ERFE: variants seen among roughly 807,000 people sequenced by gnomAD.
The protein encoded by ERFE is complement C1q tumor necrosis factor-related protein 15.
Under a neutral mutation model 26.6 loss-of-function variants are expected in ERFE, and 25 were observed. That is an observed-to-expected ratio of 0.94 (90% CI 0.69 to 1.31). The LOEUF is 1.31. Ranked by LOEUF, ERFE falls within the 40% of genes most tolerant of loss-of-function variation. The probability of loss-of-function intolerance (pLI) is 0.00; values close to 1 mark genes in which losing one functional copy is unlikely to be tolerated. For synonymous variants in ERFE, 206 were observed against 204.5 expected (o/e 1.01, Z -0.06); for missense variants, 447 against 440.2 (o/e 1.02, Z -0.14).
At position 238,167,779 on chromosome 2, in the gene ERFE, T is replaced by G. The variant is rs559452057; in HGVS notation, c.*725T>G. ...TCAGAAGGCCTTTCCAAATGGGAGC[T>G]CCACTCTTCCCCTCCTCTGCAAATC... On this transcript the variant is annotated 3_prime_UTR_variant, in exon 8 of 8. Transcript: ENST00000546354. The G allele has an allele frequency of 1.1e-4, 30 of 273,886 alleles. 1 individual carries two copies. The highest frequency in any genetic ancestry group is 1.1e-3 in the South Asian group (28 of 26,058). 17.0% of individuals were successfully genotyped at this position (273,886 alleles called of 1,614,324 possible).
chr2:238,161,561 G>GC (rs934536718), intron 1 of ERFE, 33 bp from the exon 2 acceptor site: 74 of 1,503,476 alleles, frequency 4.9e-5, no homozygotes, highest in Non-Finnish European at 6.6e-5. Context: ...GCCCAGTGAG[G>GC]CCAACCGCCC....
chr2:238,167,831 C>T lies in ERFE; in HGVS notation c.*777C>T, dbSNP rs1693069963. ...TCACAGCCAAGGCCCCTTCCACCCT[C>T]TCCAGAGGTGGATGAGATCCCTTTT... On this transcript the variant is annotated 3_prime_UTR_variant, in exon 8 of 8. Coordinates refer to ENST00000546354, the MANE Select transcript of ERFE (RefSeq NM_001291832.2). 1 of 238,304 alleles carries T rather than the reference C, an allele frequency of 4.2e-6. No individual in the cohort carries two copies. 14.8% of individuals were successfully genotyped at this position (238,304 alleles called of 1,614,324 possible). A position where few individuals can be genotyped will look rare whatever the true frequency, so the allele number is the denominator to read the frequency against.
In ERFE at chr2:238,167,191, C is replaced by G. The variant is rs1693053444; in HGVS notation, c.*137C>G. Reference sequence around the variant, plus strand: ...TCTGCCCACACTGGCCACTGCAGTTCAGCCCACAGAGCCACTGCAGGCAGG... The same window carrying G: ...TCTGCCCACACTGGCCACTGCAGTTGAGCCCACAGAGCCACTGCAGGCAGG... On this transcript the variant is annotated 3_prime_UTR_variant, in exon 8 of 8. Coordinates refer to ENST00000546354, the MANE Select transcript of ERFE (RefSeq NM_001291832.2). 1.1e-6 allele frequency: 1 copy of G among 920,112 alleles called. No homozygotes were observed. The highest frequency in any genetic ancestry group is 2.0e-5 in the Admixed American group (1 of 50,244). 57.0% of individuals were successfully genotyped at this position (920,112 alleles called of 1,614,324 possible).
At chr2:238,164,503 C>G (rs990642776) in intron 6 of ERFE, 143 bp downstream of exon 6, 2 of 744,106 alleles carry the variant, frequency 2.7e-6, no homozygotes, top group Non-Finnish European at 4.4e-6. Flanking sequence ...TTCCAGGTCT[C>G]CCGGTCTACT....
chr2:238,161,856 C>T (rs1465184246), intron 2 of ERFE, 140 bp downstream of exon 2: 31 of 1,240,074 alleles, frequency 2.5e-5, no homozygotes, highest in Non-Finnish European at 3.2e-5. Flanking sequence ...CAGAGAGAAC[C>T]CAGGCAGCCC....
rs566703949 is a variant in ERFE at position 238,164,141 on chromosome 2, C to A, written c.754C>A (p.Pro252Thr). The stretch of plus-strand genomic sequence containing the variant: ...CTTGACCAGCGGCCAGTACAGGGCG[C>A]CCGTGGCTGGCTTCTACGCTCTCGC... ...LNLTSGQYRA[P>T]VAGFYALAAT... Residue 252 changes from proline to threonine, a missense_variant, in exon 5 of 8, where the codon CCC becomes ACC. Coordinates refer to ENST00000546354, the MANE Select transcript of ERFE (RefSeq NM_001291832.2). 6.8e-7 allele frequency: 1 copy of A among 1,462,154 alleles called. No homozygotes were observed. Among genetic ancestry groups the A allele is most frequent in the Admixed American group, 2.5e-5 (1 of 40,382 alleles). 90.6% of individuals were successfully genotyped at this position (1,462,154 alleles called of 1,614,324 possible). A position where few individuals can be genotyped will look rare whatever the true frequency, so the allele number is the denominator to read the frequency against.
At position 238,161,724 on chromosome 2, in the gene ERFE, C is replaced by A; in HGVS notation, c.321+8C>A. The A allele has an allele frequency of 6.5e-7, 1 of 1,539,300 alleles. No individual in the cohort carries two copies. Among genetic ancestry groups the A allele is most frequent in the Non-Finnish European group, 8.8e-7 (1 of 1,138,100 alleles). On this transcript the variant is annotated splice_region_variant and intron_variant, in intron 2 of 7. Coordinates refer to ENST00000546354, the MANE Select transcript of ERFE (RefSeq NM_001291832.2). The stretch of plus-strand genomic sequence containing the variant: ...AAGGCCAAGAAGCTGAAGGTGAGGC[C>A]GGCATCCCGTCAGTGCCAGGCCGTG...
rs1358813392 is a variant in ERFE, at chr2:238,163,719, C to T, written c.425-18C>T. ...GTGAGGGGTCCCTGGCGCGCGGCCACCGCTCGCTCTGTGCCAGGTGCGGTG... is the reference window on the plus strand; with the variant it reads ...GTGAGGGGTCCCTGGCGCGCGGCCATCGCTCGCTCTGTGCCAGGTGCGGTG... On this transcript the variant is annotated intron_variant, in intron 3 of 7. Coordinates refer to ENST00000546354, the MANE Select transcript of ERFE (RefSeq NM_001291832.2). 7.8e-7 allele frequency: 1 copy of T among 1,289,818 alleles called. No individual in the cohort carries two copies. Among genetic ancestry groups the T allele is most frequent in the South Asian group, 2.5e-5 (1 of 40,562 alleles). 79.9% of individuals were successfully genotyped at this position (1,289,818 alleles called of 1,614,324 possible). A position where few individuals can be genotyped will look rare whatever the true frequency, so the allele number is the denominator to read the frequency against.
chr2:238,164,323 C>T lies in ERFE; in HGVS notation c.850C>T (p.Leu284=), dbSNP rs1427501846. 2.6e-6 allele frequency: 4 copies of T among 1,535,252 alleles called. No homozygotes were observed. Among genetic ancestry groups the T allele is most frequent in the Non-Finnish European group, 2.6e-6 (3 of 1,143,582 alleles). The change falls in exon 6 of 8, where the codon CTG becomes TTG. Residue 284 remains leucine (L), a synonymous_variant. Coordinates refer to ENST00000546354, the MANE Select transcript of ERFE (RefSeq NM_001291832.2). ...GPPRPRDHLR[L]LICIQSRCQR... ...GCCGCGCCCCCGGGACCACCTGCGC[C>T]TGCTCATCTGCATCCAGTCCCGGTG...
intron 2 of ERFE, among the ~76,000 whole-genome samples, 169 bp from the exon 3 acceptor site, chr2:238,162,567 C>G (rs1195498153): frequency 6.6e-6 from 1 of 152,274 alleles, no homozygotes; most frequent in Non-Finnish European, 1.5e-5. Flanking sequence ...CCAGCACAGT[C>G]CTTGTACTCA....
intron 6 of ERFE, chr2:238,164,655 C>T (rs1374262830): frequency 9.7e-6 from 4 of 410,448 alleles, no homozygotes; most frequent in Non-Finnish European, 1.8e-5. Context: ...GAGATCGAGA[C>T]CATCCTGGCT....
intron 2 of ERFE, among the ~76,000 whole-genome samples, chr2:238,162,242 G>C (rs1319474017): frequency 2.0e-5 from 3 of 152,232 alleles, no homozygotes; most frequent in Middle Eastern, 3.2e-3. Flanking sequence ...AGCTCGGAGT[G>C]CATGAGGCAG....
In ERFE at chr2:238,162,736, T is replaced by C. The variant is rs1385720154; in HGVS notation, c.322T>C (p.Phe108Leu). The C allele has an allele frequency of 1.7e-5, 27 of 1,542,996 alleles. No homozygotes were observed. The highest frequency in any genetic ancestry group is 7.0e-6 in the Non-Finnish European group (8 of 1,140,186). ...RSRGKAKKLKFGLPGPPGPPG... is the reference protein window; with the variant it reads ...RSRGKAKKLKLGLPGPPGPPG... ...CCTCACTGCCAAGGTTCCCTTTCAG[T>C]TCGGCTTGCCAGGGCCCCCTGGGCC... The change falls in exon 3 of 8, where the codon TTC (phenylalanine) becomes CTC (leucine). Residue 108 changes from phenylalanine (F) to leucine (L), a missense_variant and splice_region_variant. Physicochemically the swap from Phe to Leu is conservative, Grantham distance 22. Coordinates refer to ENST00000546354, the MANE Select transcript of ERFE (RefSeq NM_001291832.2).
At position 238,167,401 on chromosome 2, in the gene ERFE, G is replaced by A; in HGVS notation, c.*347G>A. ...CAGATGGCCTCTGCGTCTTTCCTGT[G>A]CCCAGCCCCACCTTTTCCACCTCTC... On this transcript the variant is annotated 3_prime_UTR_variant, in exon 8 of 8. Transcript: ENST00000546354. 1.8e-6 allele frequency: 1 copy of A among 563,248 alleles called. No homozygotes were observed. The highest frequency in any genetic ancestry group is 3.4e-6 in the Non-Finnish European group (1 of 296,354). The allele number at this position is 563,248 out of a possible 1,614,324, so 34.9% of individuals were successfully genotyped here.
intron 2 of ERFE, 96 bp downstream of exon 2, chr2:238,161,812 C>A: frequency 7.2e-7 from 1 of 1,398,320 alleles, no homozygotes; most frequent in Non-Finnish European, 9.5e-7. Context: ...TTTCCAATAG[C>A]ACACCCCTCA....
At chr2:238,164,545 A>G (rs565765115) in intron 6 of ERFE, 185 bp downstream of exon 6, 6 of 592,436 alleles carry the variant, frequency 1.0e-5, no homozygotes, top group African/African-American at 9.9e-5. Context: ...CTTCACAGCA[A>G]CTGGGAGCTG....
rs1279165019 is a variant in ERFE at position 238,158,988 on chromosome 2, G to A, written c.-20G>A. ...CGTCCGAGACGCCGCGCTCGGAGCC[G>A]CGAGGGAACCGCCGCCCGCATGGCC... On this transcript the variant is annotated 5_prime_UTR_variant, in exon 1 of 8. Coordinates refer to ENST00000546354, the MANE Select transcript of ERFE (RefSeq NM_001291832.2). 2 of 251,274 alleles carry A rather than the reference G, an allele frequency of 8.0e-6. No homozygotes were observed. Among genetic ancestry groups the A allele is most frequent in the South Asian group, 1.5e-4 (1 of 6,582 alleles). The allele number at this position is 251,274 out of a possible 1,614,324, so 15.6% of individuals were successfully genotyped here.
Position 238,164,126 on chromosome 2 carries a change from G to A in ERFE, c.739G>A (p.Gly247Ser), listed in dbSNP as rs943719167. 3 of 1,459,960 alleles carry A rather than the reference G, an allele frequency of 2.1e-6. No homozygotes were observed. Among genetic ancestry groups the A allele is most frequent in the African/African-American group, 3.0e-5 (2 of 67,446 alleles). The allele number at this position is 1,459,960 out of a possible 1,614,324, so 90.4% of individuals were successfully genotyped here. Residue 247 changes from glycine (G) to serine (S), a missense_variant, in exon 5 of 8, where the codon GGC (glycine) becomes AGC (serine). By Grantham distance (56) the Gly-to-Ser change is moderately conservative. Coordinates refer to ENST00000546354, the MANE Select transcript of ERFE (RefSeq NM_001291832.2). Reference sequence around the variant, plus strand: ...CGGCCCGGGCCTGAACTTGACCAGCGGCCAGTACAGGGCGCCCGTGGCTGG... The same window carrying A: ...CGGCCCGGGCCTGAACTTGACCAGCAGCCAGTACAGGGCGCCCGTGGCTGG... ...RRGPGLNLTSGQYRAPVAGFY... is the reference protein window; with the variant it reads ...RRGPGLNLTSSQYRAPVAGFY...
intron 6 of ERFE, among the ~76,000 whole-genome samples, chr2:238,164,955 C>CCAACT (rs987651368): frequency 2.0e-4 from 30 of 152,314 alleles, no homozygotes; most frequent in African/African-American, 6.7e-4. Context: ...TCCTAGCCTC[C>CCAACT]CAACTCCTTC....
Sources: allele counts gnomAD v4.1 joint callset (sites outside exome capture counted in the v4.1 genomes callset), GRCh38; gene constraint gnomAD v4.1.1; transcripts MANE v1.5; gene names NCBI Gene and HGNC (gene_info 2026-07-23, HGNC 2026-07-21).